GABBR1: variants seen among roughly 807,000 people sequenced by gnomAD.
The protein encoded by GABBR1 is GABA-B receptor, R1 subunit.
Under a neutral mutation model 117.7 loss-of-function variants are expected in GABBR1, and 35 were observed. That is an observed-to-expected ratio of 0.30 (90% CI 0.23 to 0.39). The LOEUF is 0.39. Ranked by LOEUF, GABBR1 falls within the 10% of genes least tolerant of loss-of-function variation. The pLI, the probability that GABBR1 is intolerant of heterozygous loss-of-function variation, is 1.00. For missense variants in GABBR1, 709 were observed against 1,241.8 expected (o/e 0.57, Z 6.45); for synonymous variants, 442 against 486.6 (o/e 0.91, Z 1.21).
In GABBR1 at chr6:29,631,253, T is replaced by C. The variant is rs758159808; in HGVS notation, c.289+143A>G. ...CTCCAACCGCACAGAGCAAAATTGC[T>C]CTTATGTAGTAGTCATTCAATAAAT... is the stretch of plus-strand genomic sequence containing the variant. On this transcript the variant is annotated intron_variant, in intron 3 of 22. Coordinates refer to ENST00000377034, the MANE Select transcript of GABBR1 (RefSeq NM_001470.4). This position sits in a 1 kb window ranked among gnomAD's most constrained non-coding sequence, Gnocchi z 5.9. 8.5e-6 allele frequency: 7 copies of C among 826,602 alleles called. No homozygotes were observed. Among genetic ancestry groups the C allele is most frequent in the African/African-American group, 1.7e-5 (1 of 59,152 alleles). The allele number at this position is 826,602 out of a possible 1,614,324, so 51.2% of individuals were successfully genotyped here.
chr6:29,629,096 G>C lies in GABBR1; in HGVS notation c.487C>G (p.Pro163Ala). Residue 163 changes from proline (P) to alanine (A), a missense_variant, in exon 5 of 23, where the codon CCA becomes GCA. By Grantham distance (27) the Pro-to-Ala change is conservative. This residue lies in a region of GABBR1 where 192 missense variants were observed against 418.4 expected (regional missense o/e 0.46). Transcript: ENST00000377034. ...PKPHCQVNRT[P>A]HSERRAVYIG... ...GGGTTTCTCATCTCACCTGAGTGTGGCGTTCGATTCACTGGCAGCAGGAAA... is the reference window on the plus strand; with the variant it reads ...GGGTTTCTCATCTCACCTGAGTGTGCCGTTCGATTCACTGGCAGCAGGAAA... The C allele has an allele frequency of 6.2e-7, 1 of 1,612,980 alleles. No homozygotes were observed. Among genetic ancestry groups the C allele is most frequent in the Non-Finnish European group, 8.5e-7 (1 of 1,180,020 alleles).
chr6:29,627,761 C>A lies in GABBR1; in HGVS notation c.497-115G>T. The A allele has an allele frequency of 6.8e-7, 1 of 1,479,822 alleles. No individual in the cohort carries two copies. Among genetic ancestry groups the A allele is most frequent in the Non-Finnish European group, 8.9e-7 (1 of 1,121,034 alleles). 91.7% of individuals were successfully genotyped at this position (1,479,822 alleles called of 1,614,324 possible). On this transcript the variant is annotated intron_variant, in intron 5 of 22. Transcript: ENST00000377034. This position sits in a 1 kb window ranked among gnomAD's most constrained non-coding sequence, Gnocchi z 4.4. ...ACAACCAGAAGCGGCAGTGGCCACC[C>A]CACCCGGGCAAAAGGGGCCCCGGGC...
chr6:29,621,818 C>T lies in GABBR1; in HGVS notation c.1066-1G>A, dbSNP rs1167337069. ...CCACGATGATTCGGGCATCCTGGCG[C>T]TACAACAGAGAAAGAAACAGCTCCT... On this transcript the variant is annotated splice_acceptor_variant, in intron 9 of 22. Transcript: ENST00000377034. LOFTEE classifies it high-confidence loss of function. The surrounding 1 kb of genome is among the most constrained non-coding windows in gnomAD (Gnocchi z 5.0). The T allele has an allele frequency of 6.2e-7, 1 of 1,614,056 alleles. No individual in the cohort carries two copies. The highest frequency in any genetic ancestry group is 1.3e-5 in the African/African-American group (1 of 74,918).
Position 29,628,441 on chromosome 6 carries a change from C to T in GABBR1, c.496+646G>A, listed in dbSNP as rs188275723. Among the ~76,000 whole-genome samples the T allele has an allele frequency of 8.4e-4, 128 of 151,962 alleles. 2 individuals are homozygous for T. The highest frequency in any genetic ancestry group is 2.9e-3 in the African/African-American group (121 of 41,444). On this transcript the variant is annotated intron_variant, in intron 5 of 22. Coordinates refer to ENST00000377034, the MANE Select transcript of GABBR1 (RefSeq NM_001470.4). ...GAGTATGAGTCGATACAGTGAAGCA[C>T]TGAGGATGTGGGGGAGAGGAAACGG...
At position 29,622,296 on chromosome 6, in the gene GABBR1, C is replaced by T; in HGVS notation, c.964-91G>A. 1.2e-6 allele frequency: 1 copy of T among 828,628 alleles called. No individual in the cohort carries two copies. Among genetic ancestry groups the T allele is most frequent in the Non-Finnish European group, 2.0e-6 (1 of 490,532 alleles). The allele number at this position is 828,628 out of a possible 1,614,324, so 51.3% of individuals were successfully genotyped here. On this transcript the variant is annotated intron_variant, in intron 8 of 22. Transcript: ENST00000377034. This position sits in a 1 kb window ranked among gnomAD's most constrained non-coding sequence, Gnocchi z 4.6. ...GTTAACTGGGGATTTCAGAGCAATA[C>T]TCAGATAGAGCAAAGAAGCAGCCAT...
chr6:29,628,064 G>A (rs1195893181), intron 5 of GABBR1: 3 of 1,031,058 alleles, frequency 2.9e-6, no homozygotes, highest in Middle Eastern at 4.1e-4. Flanking sequence ...GGGCTGGGAG[G>A]GGGCTCTGAC....
In GABBR1 at chr6:29,604,891, T is replaced by C. The variant is rs1761789816; in HGVS notation, c.2537A>G (p.Tyr846Cys). 1.9e-6 allele frequency: 3 copies of C among 1,612,738 alleles called. No individual in the cohort carries two copies. The highest frequency in any genetic ancestry group is 2.2e-5 in the South Asian group (2 of 91,060). The change falls in exon 21 of 23, where the codon TAT becomes TGT. Residue 846 changes from tyrosine (Y) to cysteine (C), a missense_variant. This residue lies in a region of GABBR1 where 251 missense variants were observed against 445.3 expected (regional missense o/e 0.56). Transcript: ENST00000377034. This position sits in a 1 kb window ranked among gnomAD's most constrained non-coding sequence, Gnocchi z 5.3. ...FASLAIVFSS[Y>C]ITLVVLFVPK... ...CACAAAGAGCACAACAAGAGTGATATAGGAGGAGAAAACTATGGCAAGAGA... is the reference window on the plus strand; with the variant it reads ...CACAAAGAGCACAACAAGAGTGATACAGGAGGAGAAAACTATGGCAAGAGA...
In GABBR1 at chr6:29,606,423, T is replaced by C; in HGVS notation, c.2279A>G (p.His760Arg). ...IDVSILPQLEHCSSRKMNTWL... is the reference protein window; with the variant it reads ...IDVSILPQLERCSSRKMNTWL... ...TGTATTCATCTTCCTGGAGCTGCAATGCTCCAGCTGGGGCAGAATAGAGAC... is the reference window on the plus strand; with the variant it reads ...TGTATTCATCTTCCTGGAGCTGCAACGCTCCAGCTGGGGCAGAATAGAGAC... Residue 760 changes from histidine (H) to arginine (R), a missense_variant, in exon 19 of 23, where the codon CAT (histidine) becomes CGT (arginine). Coordinates refer to ENST00000377034, the MANE Select transcript of GABBR1 (RefSeq NM_001470.4). This position sits in a 1 kb window ranked among gnomAD's most constrained non-coding sequence, Gnocchi z 4.5. 1 of 1,612,568 alleles carries C rather than the reference T, an allele frequency of 6.2e-7. No homozygotes were observed. The highest frequency in any genetic ancestry group is 8.5e-7 in the Non-Finnish European group (1 of 1,179,470).
At position 29,607,136 on chromosome 6, in the gene GABBR1, A is replaced by G. The variant is rs780587551; in HGVS notation, c.2075T>C (p.Phe692Ser). 2.5e-5 allele frequency: 40 copies of G among 1,614,036 alleles called. No individual in the cohort carries two copies. Among genetic ancestry groups the G allele is most frequent in the Non-Finnish European group, 3.3e-5 (39 of 1,180,038 alleles). The change falls in exon 17 of 23, where the codon TTC (phenylalanine) becomes TCC (serine). Residue 692 changes from phenylalanine (F) to serine (S), a missense_variant. Phe to Ser is a radical substitution (Grantham distance 155). This residue lies in a region of GABBR1 where 251 missense variants were observed against 445.3 expected (regional missense o/e 0.56). Transcript: ENST00000377034. The surrounding 1 kb of genome is among the most constrained non-coding windows in gnomAD (Gnocchi z 5.0). Reference sequence around the variant, plus strand: ...CTCCTTCTTTTCTTCCTTCTTTGTGAAGACCGTGTGGACCCACCAAATCTT... The same window carrying G: ...CTCCTTCTTTTCTTCCTTCTTTGTGGAGACCGTGTGGACCCACCAAATCTT... ...FTKIWWVHTV[F>S]TKKEEKKEWR...
Position 29,627,956 on chromosome 6 carries a change from G to A in GABBR1, c.497-310C>T, listed in dbSNP as rs1367705565. ...GAAGCAGGGAAGGTTGGCTTCCTAC[G>A]GCCCCCGCGGCTCTCGCCACCGTCG... On this transcript the variant is annotated intron_variant, in intron 5 of 22. Coordinates refer to ENST00000377034, the MANE Select transcript of GABBR1 (RefSeq NM_001470.4). The surrounding 1 kb of genome is among the most constrained non-coding windows in gnomAD (Gnocchi z 4.4). The A allele has an allele frequency of 8.2e-6, 11 of 1,349,260 alleles. No homozygotes were observed. The highest frequency in any genetic ancestry group is 4.0e-5 in the Admixed American group (1 of 25,226). The allele number at this position is 1,349,260 out of a possible 1,614,324, so 83.6% of individuals were successfully genotyped here. A position where few individuals can be genotyped will look rare whatever the true frequency, so the allele number is the denominator to read the frequency against.
chr6:29,603,733 A>G lies in GABBR1; in HGVS notation c.2713-17T>C, dbSNP rs1193513547. The G allele has an allele frequency of 3.4e-6, 5 of 1,468,130 alleles. No homozygotes were observed. The highest frequency in any genetic ancestry group is 4.5e-6 in the Non-Finnish European group (5 of 1,112,158). 90.9% of individuals were successfully genotyped at this position (1,468,130 alleles called of 1,614,324 possible). ...CTCCTCTTTCTGGAGGAAGAAGCACAATTGGGATAGTAGGAGAAGAGGAGG... is the reference window on the plus strand; with the variant it reads ...CTCCTCTTTCTGGAGGAAGAAGCACGATTGGGATAGTAGGAGAAGAGGAGG... On this transcript the variant is annotated splice_polypyrimidine_tract_variant and intron_variant, in intron 22 of 22. Coordinates refer to ENST00000377034, the MANE Select transcript of GABBR1 (RefSeq NM_001470.4).
At position 29,606,422 on chromosome 6, in the gene GABBR1, A is replaced by G. The variant is rs747732535; in HGVS notation, c.2280T>C (p.His760=). 1.9e-6 allele frequency: 3 copies of G among 1,612,284 alleles called. No homozygotes were observed. The highest frequency in any genetic ancestry group is 2.2e-5 in the East Asian group (1 of 44,872). ...IDVSILPQLE[H]CSSRKMNTWL... The stretch of plus-strand genomic sequence containing the variant: ...ATGTATTCATCTTCCTGGAGCTGCA[A>G]TGCTCCAGCTGGGGCAGAATAGAGA... Residue 760 remains histidine (H), a synonymous_variant, in exon 19 of 23, where the codon CAT becomes CAC. Transcript: ENST00000377034. This position sits in a 1 kb window ranked among gnomAD's most constrained non-coding sequence, Gnocchi z 4.5.
chr6:29,613,480 G>T lies in GABBR1; in HGVS notation c.1329C>A (p.Ser443=). The T allele has an allele frequency of 1.2e-6, 2 of 1,611,898 alleles. No homozygotes were observed. Among genetic ancestry groups the T allele is most frequent in the Non-Finnish European group, 1.7e-6 (2 of 1,179,184 alleles). Residue 443 remains serine (S), a synonymous_variant, in exon 12 of 23, where the codon TCC becomes TCA. Coordinates refer to ENST00000377034, the MANE Select transcript of GABBR1 (RefSeq NM_001470.4). The surrounding 1 kb of genome is among the most constrained non-coding windows in gnomAD (Gnocchi z 4.1). Reference sequence around the variant, plus strand: ...TGGTTAGTTTCTCCACAAATTCCTGGGATGTCTTGGGAGGAAAAAATCATG... The same window carrying T: ...TGGTTAGTTTCTCCACAAATTCCTGTGATGTCTTGGGAGGAAAAAATCATG... ...ANTRSISNMT[S]QEFVEKLTKR... is the part of the protein sequence containing the mutation.
chr6:29,603,606 T>C lies in GABBR1; in HGVS notation c.2823A>G (p.Gly941=), dbSNP rs1761629247. 6.3e-7 allele frequency: 1 copy of C among 1,575,042 alleles called. No individual in the cohort carries two copies. The highest frequency in any genetic ancestry group is 1.2e-5 in the South Asian group (1 of 84,656). The part of the protein sequence containing the change: ...PPEPSGGLPR[G]PPEPPDRLSC... ...TAAGCCGGTCGGGGGGCTCAGGGGGTCCCCTGGGCAGGCCCCCAGAGGGTT... is the reference window on the plus strand; with the variant it reads ...TAAGCCGGTCGGGGGGCTCAGGGGGCCCCCTGGGCAGGCCCCCAGAGGGTT... Residue 941 remains glycine, a synonymous_variant, in exon 23 of 23, where the codon GGA becomes GGG. Transcript: ENST00000377034.
rs183585500 is a variant in GABBR1 at position 29,631,892 on chromosome 6, T to C, written c.86-293A>G. Among the ~76,000 whole-genome samples, 6 of 149,310 alleles carry C rather than the reference T, an allele frequency of 4.0e-5. No homozygotes were observed. The highest frequency in any genetic ancestry group is 3.4e-4 in the Admixed American group (5 of 14,798). On this transcript the variant is annotated intron_variant, in intron 2 of 22. Transcript: ENST00000377034. This position sits in a 1 kb window ranked among gnomAD's most constrained non-coding sequence, Gnocchi z 5.9. ...AATTAAGAAATCATGAAGGGTATGA[T>C]ATGTGGGTGGAGCTTTTCTTTAAAA...
chr6:29,632,270 G>T lies in GABBR1; in HGVS notation c.85+31C>A, dbSNP rs1765069670. ...GCAGGGAAAGGGAAGTGGAGCGAAG[G>T]AGGGCCGGAGGTCGTCGAAGAAGGA... On this transcript the variant is annotated intron_variant, in intron 2 of 22. Transcript: ENST00000377034. The surrounding 1 kb of genome is among the most constrained non-coding windows in gnomAD (Gnocchi z 5.8). 2 of 1,293,154 alleles carry T rather than the reference G, an allele frequency of 1.5e-6. No individual in the cohort carries two copies. The highest frequency in any genetic ancestry group is 3.0e-5 in the East Asian group (1 of 33,036). The allele number at this position is 1,293,154 out of a possible 1,614,324, so 80.1% of individuals were successfully genotyped here.
At chr6:29,626,534 C>T (rs1388542385) in intron 6 of GABBR1, among the ~76,000 whole-genome samples, 3 of 151,982 alleles carry the variant, frequency 2.0e-5, no homozygotes, top group South Asian at 4.2e-4. Context: ...AAGCTATCCC[C>T]TAATACCCCT....
chr6:29,608,527 T>TA, intron 16 of GABBR1, 74 bp downstream of exon 16: 1 of 1,488,174 alleles, frequency 6.7e-7, no homozygotes, highest in Non-Finnish European at 9.2e-7. Context: ...CAGAGAATCA[T>TA]AAATCATGGA....
intron 16 of GABBR1, chr6:29,608,354 C>A: frequency 2.3e-6 from 1 of 438,876 alleles, no homozygotes; most frequent in East Asian, 4.0e-5. Flanking sequence ...CCCTCCTCTT[C>A]TCTGCAAGGC....
Sources: gnomAD v4.1 joint callset for allele counts (sites outside exome capture counted in the v4.1 genomes callset) on GRCh38, gnomAD v4.1.1 for gene constraint, gnomAD v4.1.1 regional missense constraint, Gnocchi (gnomAD v3.1) non-coding constraint, MANE v1.5 for transcripts, NCBI Gene and HGNC (gene_info 2026-07-23, HGNC 2026-07-21) for gene names.